LRRK1: variants seen among roughly 807,000 people sequenced by gnomAD.
The protein encoded by LRRK1 is leucine-rich repeat serine/threonine-protein kinase 1.
A neutral mutation model predicts 209.1 loss-of-function variants in LRRK1; 113 were observed. That is an observed-to-expected ratio of 0.54 (90% CI 0.46 to 0.63). The LOEUF (loss-of-function observed/expected upper bound fraction) is 0.63. Among genes scored for constraint, LRRK1 ranks in the 30% least tolerant of loss-of-function variants. The probability of loss-of-function intolerance (pLI) is 0.00; values close to 1 mark genes in which losing one functional copy is unlikely to be tolerated. For synonymous variants in LRRK1, 1,144 were observed against 1,099.7 expected, an observed-to-expected ratio of 1.04 and a Z score of -0.80; for missense variants, 2,284 against 2,632.2, an observed-to-expected ratio of 0.87 and a Z score of 2.89.
In LRRK1 at chr15:101,053,304, C is replaced by T. The variant is rs761740855; in HGVS notation, c.3938C>T (p.Ala1313Val). 6.2e-6 allele frequency: 10 copies of T among 1,605,708 alleles called. No individual in the cohort carries two copies. The Admixed American group carries it at 1.0e-4, about 16-fold the overall frequency. The change falls in exon 26 of 34, where the codon GCG becomes GTG. Residue 1313 changes from alanine to valine, a missense_variant. Physicochemically the swap from Ala to Val is moderately conservative, Grantham distance 64. Transcript: ENST00000388948. ...EFRQEASMLHALQHPCIVALI... is the reference protein window; with the variant it reads ...EFRQEASMLHVLQHPCIVALI... ...CGGCAGGAGGCCAGCATGCTGCACG[C>T]GCTGCAGCACCCCTGCATCGTGGCG... is the stretch of plus-strand genomic sequence containing the variant.
rs28841621 is a variant in LRRK1 at position 101,032,395 on chromosome 15, C to T, written c.2963+3163C>T. 8.5e-3 allele frequency among the ~76,000 whole-genome samples: 1,292 copies of T among 152,136 alleles called. 22 individuals carry two copies. Among genetic ancestry groups the T allele is most frequent in the African/African-American group, 0.03 (1,224 of 41,480 alleles). ...CTGCACCCATTAACTCGTCATTTAA[C>T]ATGAGGTGTATCTCCTAATGCTATC... On this transcript the variant is annotated intron_variant, in intron 20 of 33. Transcript: ENST00000388948.
intron 27 of LRRK1, 60 bp from the exon 28 acceptor site, chr15:101,056,796 C>A: frequency 2.1e-6 from 3 of 1,412,772 alleles, no homozygotes; most frequent in Non-Finnish European, 2.9e-6. Flanking sequence ...CACCTGAGGG[C>A]CACCTTGTGA....
rs141993255 is a variant in LRRK1 at position 100,974,358 on chromosome 15, C to T, written c.261+391C>T. ...AGGAAAAATGGGACAAAAAAGTTAC[C>T]AAATTCCTGATACACCCTAAAACCC... On this transcript the variant is annotated intron_variant, in intron 3 of 33. Transcript: ENST00000388948. Among the ~76,000 whole-genome samples the T allele has an allele frequency of 9.1e-3, 1,392 of 152,230 alleles. 18 individuals carry two copies. The highest frequency in any genetic ancestry group is 0.027 in the Middle Eastern group (8 of 294).
intron 26 of LRRK1, among the ~76,000 whole-genome samples, chr15:101,054,245 A>C (rs1368495487): frequency 1.3e-5 from 2 of 152,212 alleles, no homozygotes; most frequent in Non-Finnish European, 2.9e-5. Context: ...AAGTGCTGGA[A>C]TCACCGGCAT....
At position 101,065,994 on chromosome 15, in the gene LRRK1, G is replaced by A. The variant is rs776071685; in HGVS notation, c.5557G>A (p.Ala1853Thr). Residue 1853 changes from alanine to threonine, a missense_variant, in exon 32 of 34, where the codon GCC (alanine) becomes ACC (threonine). Ala to Thr is a moderately conservative substitution (Grantham distance 58, BLOSUM62 0). Transcript: ENST00000388948. Reference protein sequence around the residue: ...SYSSSPPRQAARSPSSLPSSP... With the variant: ...SYSSSPPRQATRSPSSLPSSP... ...CTCCTCATCCCCACCCCGCCAGGCTGCCAGGTCCCCCTCAAGCCTCCCCAG... is the reference window on the plus strand; with the variant it reads ...CTCCTCATCCCCACCCCGCCAGGCTACCAGGTCCCCCTCAAGCCTCCCCAG... 6.2e-7 allele frequency: 1 copy of A among 1,614,052 alleles called. No homozygotes were observed. The highest frequency in any genetic ancestry group is 1.1e-5 in the South Asian group (1 of 91,068).
At chr15:101,058,676 T>C (rs546544105) in intron 29 of LRRK1, among the ~76,000 whole-genome samples, 7 of 126,780 alleles carry the variant, frequency 5.5e-5, no homozygotes, top group South Asian at 5.0e-4. Context: ...GGCAGAGGCA[T>C]TGGGGTGTTT....
chr15:101,048,302 G>A (rs1351354412), intron 21 of LRRK1, among the ~76,000 whole-genome samples, 192 bp from the exon 22 acceptor site: 4 of 152,130 alleles, frequency 2.6e-5, no homozygotes, highest in Admixed American at 1.3e-4. Context: ...CTGTGTTTCC[G>A]GAATTCCCTG....
intron 2 of LRRK1, among the ~76,000 whole-genome samples, chr15:100,934,893 C>G (rs1596163490): frequency 6.6e-6 from 1 of 151,408 alleles, no homozygotes; most frequent in East Asian, 1.9e-4. Context: ...AAAAGAGGCA[C>G]AGTGTGGCCA....
At chr15:101,050,384 G>T (rs994588835) in intron 23 of LRRK1, among the ~76,000 whole-genome samples, 3 of 152,178 alleles carry the variant, frequency 2.0e-5, no homozygotes, top group Non-Finnish European at 4.4e-5. Flanking sequence ...CTCCTGGGGT[G>T]GAGACGACTC....
At chr15:101,023,643 A>G (rs963964556) in intron 15 of LRRK1, among the ~76,000 whole-genome samples, 8 of 152,226 alleles carry the variant, frequency 5.3e-5, no homozygotes, top group African/African-American at 1.9e-4. Flanking sequence ...CAGATGGTCC[A>G]TGATTTTCCC....
intron 6 of LRRK1, among the ~76,000 whole-genome samples, chr15:101,001,249 C>G (rs1390012771): frequency 2.0e-5 from 3 of 152,208 alleles, no homozygotes; most frequent in Middle Eastern, 3.4e-3. Flanking sequence ...TCCCAGAGTT[C>G]TCTGGGAACC....
At chr15:100,930,669 T>G (rs2042195619) in intron 2 of LRRK1, among the ~76,000 whole-genome samples, 1 of 152,194 alleles carries the variant, frequency 6.6e-6, no homozygotes, top group African/African-American at 2.4e-5. Flanking sequence ...GAAGATTTTC[T>G]TACCAGCCAT....
intron 6 of LRRK1, among the ~76,000 whole-genome samples, chr15:100,990,723 T>G (rs994175223): frequency 7.3e-6 from 1 of 136,574 alleles, no homozygotes; most frequent in Non-Finnish European, 1.5e-5. Flanking sequence ...TTGGAGGGTT[T>G]TTTTTTTTTT....
intron 20 of LRRK1, among the ~76,000 whole-genome samples, chr15:101,038,244 A>G (rs1452399839): frequency 6.6e-6 from 1 of 152,222 alleles, no homozygotes; most frequent in Non-Finnish European, 1.5e-5. Context: ...GATGAGAGAT[A>G]AAAAACTACA....
At chr15:100,977,602 C>A (rs1345575854) in intron 3 of LRRK1, among the ~76,000 whole-genome samples, 1 of 152,190 alleles carries the variant, frequency 6.6e-6, no homozygotes, top group Non-Finnish European at 1.5e-5. Context: ...AGAGGAGAAC[C>A]TGAAGTCCCA....
rs566338387 is a variant in LRRK1, at chr15:101,012,630, C to T, written c.1419+485C>T. Among the ~76,000 whole-genome samples, 11 of 152,292 alleles carry T rather than the reference C, an allele frequency of 7.2e-5. No individual in the cohort carries two copies. The East Asian group carries it at 1.9e-3, about 27-fold the overall frequency. ...CTCACCAGGGGCCCTGTAGTGGACCCCCAGGCAGAGTGCCCAGGCCACCCT... is the reference window on the plus strand; with the variant it reads ...CTCACCAGGGGCCCTGTAGTGGACCTCCAGGCAGAGTGCCCAGGCCACCCT... On this transcript the variant is annotated intron_variant, in intron 10 of 33. Transcript: ENST00000388948.
intron 20 of LRRK1, 138 bp downstream of exon 20, chr15:101,029,370 A>G: frequency 1.1e-6 from 1 of 883,424 alleles, no homozygotes; most frequent in Non-Finnish European, 1.7e-6. Flanking sequence ...ACAGGCCAGC[A>G]CCCGATGACC....
chr15:101,047,265 C>T (rs919082400), intron 21 of LRRK1, among the ~76,000 whole-genome samples: 3 of 152,242 alleles, frequency 2.0e-5, no homozygotes, highest in African/African-American at 7.2e-5. Context: ...ATGCAAAAGC[C>T]TTAAAGTCCA....
chr15:101,003,899 G>C (rs1486971235), intron 6 of LRRK1, among the ~76,000 whole-genome samples: 2 of 152,142 alleles, frequency 1.3e-5, no homozygotes, highest in African/African-American at 4.8e-5. Context: ...TAGGGAGGCG[G>C]GGGAGGTCTG....
Sources: allele counts gnomAD v4.1 joint callset (sites outside exome capture counted in the v4.1 genomes callset), GRCh38; gene constraint gnomAD v4.1.1; transcripts MANE v1.5; gene names NCBI Gene and HGNC (gene_info 2026-07-23, HGNC 2026-07-21).